The following ODF2L variants were observed in gnomAD, a reference collection of about 807,000 sequenced individuals.
ODF2L encodes outer dense fiber of sperm tails 2 like.
A neutral mutation model predicts 86.3 loss-of-function variants in ODF2L; 76 were observed. The ratio of observed to expected loss-of-function variants is 0.88; its 90% CI spans 0.73 to 1.07. The LOEUF (loss-of-function observed/expected upper bound fraction) is 1.07. Ranked by LOEUF, ODF2L falls within the 50% of genes least tolerant of loss-of-function variation. The probability of loss-of-function intolerance (pLI) is 0.00; values close to 1 mark genes in which losing one functional copy is unlikely to be tolerated. For missense variants in ODF2L, 748 were observed against 717.4 expected (o/e 1.04, Z -0.49); for synonymous variants, 241 against 231.3 (o/e 1.04, Z -0.38).
intron 10 of ODF2L, among the ~76,000 whole-genome samples, chr1:86,369,177 T>C (rs1659635945): frequency 6.6e-6 from 1 of 152,124 alleles, no homozygotes; most frequent in Admixed American, 6.5e-5. Flanking sequence ...TAAGAAAACA[T>C]GAGTAGTTCA....
chr1:86,388,672 A>G (rs1204747123), intron 1 of ODF2L, among the ~76,000 whole-genome samples: 1 of 152,120 alleles, frequency 6.6e-6, no homozygotes, highest in Non-Finnish European at 1.5e-5. Flanking sequence ...CAATGTAAGA[A>G]GATAGAAATT....
chr1:86,377,225 G>A (rs1162502076), intron 7 of ODF2L, among the ~76,000 whole-genome samples: 1 of 152,132 alleles, frequency 6.6e-6, no homozygotes, highest in Admixed American at 6.5e-5. Context: ...AATCTCCCTT[G>A]ACTCCATGTT....
chr1:86,356,592 T>C (rs760201300), exon 14 of ODF2L: 1 of 1,613,510 alleles, frequency 6.2e-7, no homozygotes, highest in South Asian at 1.1e-5. Context: ...AGACTCCATC[T>C]GGCCTCTCAT....
intron 5 of ODF2L, 52 bp from the exon 6 acceptor site, chr1:86,383,054 G>T: frequency 7.8e-7 from 1 of 1,280,614 alleles, no homozygotes; most frequent in Non-Finnish European, 1.1e-6. Context: ...GGATAATATT[G>T]GCTAACTTTA....
At chr1:86,372,349 AT>A (rs1659851921) in intron 9 of ODF2L, 81 bp downstream of exon 9, 2 of 622,868 alleles carry the variant, frequency 3.2e-6, no homozygotes, top group Admixed American at 7.8e-5. Context: ...TCTAAAAAAA[AT>A]CAAAATACAA....
intron 12 of ODF2L, among the ~76,000 whole-genome samples, chr1:86,359,363 C>T (rs1157583703): frequency 1.3e-5 from 2 of 152,118 alleles, no homozygotes; most frequent in Non-Finnish European, 2.9e-5. Flanking sequence ...ACAAGTCCCA[C>T]AGTCCACCAC....
intron 11 of ODF2L, among the ~76,000 whole-genome samples, chr1:86,364,167 ATCTT>A (rs1400981497): frequency 1.3e-5 from 2 of 152,202 alleles, no homozygotes; most frequent in African/African-American, 4.8e-5. Flanking sequence ...AGTTTATAAT[ATCTT>A]TCTAATCCTT....
In ODF2L at chr1:86,389,619, GATAA is replaced by G. The variant is rs578154038; in HGVS notation, c.-59-2537_-59-2534del. ...AAACAAAAAGCTGGTCCTTTGAAAA[GATAA>G]ATAAAACTGACAGAACATTATTAGC... On this transcript the variant is annotated intron_variant, in intron 1 of 17. Coordinates refer to ENST00000317336, the Ensembl canonical transcript of ODF2L. 2.1e-3 allele frequency among the ~76,000 whole-genome samples: 291 copies of G among 141,120 alleles called. 1 individual carries two copies. Among genetic ancestry groups the G allele is most frequent in the Non-Finnish European group, 3.0e-3 (191 of 64,676 alleles). 92.6% of individuals were successfully genotyped at this position (141,120 alleles called of 152,430 possible).
At chr1:86,390,633 C>T (rs868067050) in intron 1 of ODF2L, among the ~76,000 whole-genome samples, 5 of 152,126 alleles carry the variant, frequency 3.3e-5, no homozygotes, top group Non-Finnish European at 5.9e-5. Flanking sequence ...AATCCAGCAT[C>T]GCTTTATGAT....
intron 7 of ODF2L, among the ~76,000 whole-genome samples, chr1:86,379,121 T>C (rs1570413492): frequency 6.6e-6 from 1 of 152,128 alleles, no homozygotes; most frequent in Admixed American, 6.5e-5. Flanking sequence ...TCCACCATAA[T>C]TGTAAGTTTC....
At position 86,376,420 on chromosome 1, in the gene ODF2L, T is replaced by C. The variant is rs1558042339; in HGVS notation, c.625-2A>G. 1 of 1,416,430 alleles carries C rather than the reference T, an allele frequency of 7.1e-7. No individual in the cohort carries two copies. The highest frequency in any genetic ancestry group is 2.6e-5 in the East Asian group (1 of 39,056). 87.7% of individuals were successfully genotyped at this position (1,416,430 alleles called of 1,614,324 possible). On this transcript the variant is annotated splice_acceptor_variant, in intron 7 of 17. Coordinates refer to ENST00000317336, the Ensembl canonical transcript of ODF2L. LOFTEE classifies it high-confidence loss of function. ...CTTGGCTATCTTGGTTTCTAAGCTCTAAAAAAAAAATTAGCAACAATTAAA... is the reference window on the plus strand; with the variant it reads ...CTTGGCTATCTTGGTTTCTAAGCTCCAAAAAAAAAATTAGCAACAATTAAA...
At chr1:86,369,867 C>T (rs1659676905) in intron 10 of ODF2L, among the ~76,000 whole-genome samples, 1 of 152,108 alleles carries the variant, frequency 6.6e-6, no homozygotes, top group South Asian at 2.1e-4. Flanking sequence ...TTGGATGTAT[C>T]TCAAGTTTCC....
At chr1:86,366,620 C>A (rs1659461737) in intron 11 of ODF2L, among the ~76,000 whole-genome samples, 1 of 128,064 alleles carries the variant, frequency 7.8e-6, no homozygotes, top group African/African-American at 2.7e-5. Context: ...AAAAAAAGTG[C>A]CAATTGGAAA....
At chr1:86,381,493 A>C (rs1660585433) in intron 7 of ODF2L, among the ~76,000 whole-genome samples, 2 of 152,118 alleles carry the variant, frequency 1.3e-5, no homozygotes, top group African/African-American at 4.8e-5. Context: ...GGCTGCAGAC[A>C]TCTGCTATAA....
intron 8 of ODF2L, among the ~76,000 whole-genome samples, chr1:86,373,298 CTT>C (rs568005356): frequency 3.1e-4 from 43 of 140,122 alleles, no homozygotes; most frequent in Non-Finnish European, 3.9e-4. Context: ...TTCCATTTTA[CTT>C]TTTTTTTTTT....
intron 7 of ODF2L, among the ~76,000 whole-genome samples, chr1:86,381,599 T>C (rs1474181799): frequency 2.0e-5 from 3 of 152,040 alleles, no homozygotes; most frequent in Non-Finnish European, 4.4e-5. Flanking sequence ...GGAATATTGC[T>C]TCTTTGCCTT....
At chr1:86,382,951 A>G (rs1157480883) in exon 6 of ODF2L, 2 of 1,565,766 alleles carry the variant, frequency 1.3e-6, no homozygotes, top group Non-Finnish European at 1.8e-6. Context: ...TGAAACAAAC[A>G]AGAAAGTTCT....
chr1:86,359,385 C>T (rs34513089), intron 12 of ODF2L, among the ~76,000 whole-genome samples: 5,810 of 152,242 alleles, frequency 0.038, 178 homozygotes, highest in African/African-American at 0.08. Context: ...ACCTCCATTC[C>T]TACCTCAGAC....
At chr1:86,380,559 A>AT (rs1558049201) in intron 7 of ODF2L, among the ~76,000 whole-genome samples, 1 of 152,130 alleles carries the variant, frequency 6.6e-6, no homozygotes, top group African/African-American at 2.4e-5. Context: ...TCCAGACACG[A>AT]TCTTCTCACC....
Sources: gnomAD v4.1 joint callset for allele counts (sites outside exome capture counted in the v4.1 genomes callset) on GRCh38, gnomAD v4.1.1 for gene constraint, MANE v1.5 for transcripts, NCBI Gene and HGNC (gene_info 2026-07-23, HGNC 2026-07-21) for gene names.